Variants in SYNPR observed in about 807,000 individuals in gnomAD.
SYNPR encodes synaptoporin.
Under a neutral mutation model 32.9 loss-of-function variants are expected in SYNPR, and 23 were observed. The ratio of observed to expected loss-of-function variants is 0.70; its 90% confidence interval spans 0.50 to 0.99. The LOEUF (loss-of-function observed/expected upper bound fraction) is 0.99. Ranked by LOEUF, SYNPR falls within the 50% of genes least tolerant of loss-of-function variation. The pLI is 0.00. For synonymous variants in SYNPR, 146 were observed against 135.9 expected (o/e 1.07, Z -0.52); for missense variants, 318 against 349.3 (o/e 0.91, Z 0.71).
chr3:63,310,761 C>G (rs2086956004), intron 2 of SYNPR, among the ~76,000 whole-genome samples: 1 of 152,062 alleles, frequency 6.6e-6, no homozygotes, highest in Non-Finnish European at 1.5e-5. Context: ...AATTCCAGCC[C>G]TAGAACAAGG....
intron 5 of SYNPR, among the ~76,000 whole-genome samples, chr3:63,612,977 T>TC (rs1211838058): frequency 6.6e-6 from 1 of 150,846 alleles, no homozygotes; most frequent in Non-Finnish European, 1.5e-5. Flanking sequence ...TTTCCTTTTT[T>TC]CTTTTTTTTT....
the SYNPR span, among the ~76,000 whole-genome samples, chr3:63,204,341 C>A: frequency 6.6e-6 from 1 of 152,302 alleles, no homozygotes; most frequent in African/African-American, 2.4e-5. Context: ...TGTGGAAGCA[C>A]AACTCAGACC....
chr3:63,391,986 C>A (rs745848493), intron 2 of SYNPR, among the ~76,000 whole-genome samples: 2 of 152,206 alleles, frequency 1.3e-5, no homozygotes, highest in African/African-American at 2.4e-5. Context: ...TGCGCAACCT[C>A]TTCTCAGACA....
At chr3:63,498,768 C>T (rs4688410) in intron 3 of SYNPR, among the ~76,000 whole-genome samples, 57,310 of 151,404 alleles carry the variant, frequency 0.38, 11,058 homozygotes, top group East Asian at 0.48. Context: ...CTCGTGGGCC[C>T]GATAAGGCGT....
chr3:63,593,827 T>A (rs996324217), intron 4 of SYNPR, among the ~76,000 whole-genome samples: 1 of 152,122 alleles, frequency 6.6e-6, no homozygotes. Flanking sequence ...AGTTCTTACA[T>A]GAAACAACTC....
intron 3 of SYNPR, among the ~76,000 whole-genome samples, chr3:63,486,464 C>A (rs1701152729): frequency 6.6e-6 from 1 of 152,188 alleles, no homozygotes; most frequent in Admixed American, 6.5e-5. Context: ...CATTAACACA[C>A]CTTTCATTAT....
Position 63,229,655 on chromosome 3 carries a change from T to C in SYNPR, n.66+1275T>C, listed in dbSNP as rs568068490. 5.3e-5 allele frequency among the ~76,000 whole-genome samples: 8 copies of C among 152,288 alleles called. No individual in the cohort carries two copies. The South Asian group carries it at 1.0e-3, about 20-fold the overall frequency. On this transcript the variant is annotated intron_variant and non_coding_transcript_variant, in intron 1 of 4. Transcript: ENST00000478456. ...TTTACTGATTCTGCCATACTGAAGT[T>C]TATGAGACTCTAATCTTTTGTGTAT...
At chr3:63,247,282 T>C (rs2367765) in intron 1 of SYNPR, among the ~76,000 whole-genome samples, 4,381 of 152,100 alleles carry the variant, frequency 0.029, 95 homozygotes, top group Non-Finnish European at 0.039. Context: ...TTTTCCTGTC[T>C]GGTCCTGCAC....
chr3:63,426,304 T>C (rs1699891779), intron 2 of SYNPR, among the ~76,000 whole-genome samples: 1 of 152,214 alleles, frequency 6.6e-6, no homozygotes, highest in South Asian at 2.1e-4. Flanking sequence ...ATTAGGCACA[T>C]GAAGCTTAAG....
At chr3:63,516,980 T>C (rs1701812878) in intron 3 of SYNPR, among the ~76,000 whole-genome samples, 2 of 152,184 alleles carry the variant, frequency 1.3e-5, no homozygotes, top group East Asian at 1.9e-4. Context: ...TCTTGCAACA[T>C]TTGTTTATAA....
intron 4 of SYNPR, among the ~76,000 whole-genome samples, chr3:63,585,112 G>C (rs929502903): frequency 6.6e-6 from 1 of 151,878 alleles, no homozygotes; most frequent in African/African-American, 2.4e-5. Flanking sequence ...CTGGGGGCAG[G>C]GAGCCTACAC....
chr3:63,439,962 T>C lies in SYNPR; in HGVS notation c.85-40870T>C, dbSNP rs570819468. Among the ~76,000 whole-genome samples the C allele has an allele frequency of 9.8e-5, 15 of 152,290 alleles. No homozygotes were observed. The South Asian group carries it at 2.3e-3, about 23-fold the overall frequency. On this transcript the variant is annotated intron_variant, in intron 2 of 5. Transcript: ENST00000478300. Reference sequence around the variant, plus strand: ...GGTACTCTCTGAAACACCAAGGATATGGTATTAAGCAAAACAAACAAGTTT... The same window carrying C: ...GGTACTCTCTGAAACACCAAGGATACGGTATTAAGCAAAACAAACAAGTTT...
chr3:63,417,230 T>C (rs1480614196), intron 2 of SYNPR, among the ~76,000 whole-genome samples: 2 of 152,216 alleles, frequency 1.3e-5, no homozygotes, highest in African/African-American at 2.4e-5. Context: ...AAGTCTAAAA[T>C]CCAGCAGGGC....
intron 5 of SYNPR, among the ~76,000 whole-genome samples, chr3:63,610,231 C>T (rs1432074836): frequency 6.6e-6 from 1 of 152,060 alleles, no homozygotes; most frequent in Non-Finnish European, 1.5e-5. Flanking sequence ...ATGGCTCTTA[C>T]AAGAAAAGAG....
chr3:63,329,553 T>C (rs77556164), intron 2 of SYNPR, among the ~76,000 whole-genome samples: 5,224 of 152,296 alleles, frequency 0.034, 278 homozygotes, highest in African/African-American at 0.12. Context: ...AAATGTAATG[T>C]AATACATTTC....
At chr3:63,391,034 C>T (rs2088127060) in intron 2 of SYNPR, among the ~76,000 whole-genome samples, 1 of 152,216 alleles carries the variant, frequency 6.6e-6, no homozygotes, top group Non-Finnish European at 1.5e-5. Context: ...TAGTCATCAT[C>T]AAAATAAGGT....
chr3:63,401,444 G>T (rs974228107), intron 2 of SYNPR, among the ~76,000 whole-genome samples: 1 of 152,208 alleles, frequency 6.6e-6, no homozygotes, highest in Non-Finnish European at 1.5e-5. Flanking sequence ...TGGCTAGGAA[G>T]TGCCACTCCA....
intron 2 of SYNPR, among the ~76,000 whole-genome samples, chr3:63,294,665 A>G (rs967407850): frequency 3.3e-5 from 5 of 152,194 alleles, no homozygotes; most frequent in African/African-American, 1.2e-4. Flanking sequence ...AATTCATTAT[A>G]TAAAAATAGA....
chr3:63,494,337 C>T (rs973041768), intron 3 of SYNPR, among the ~76,000 whole-genome samples: 11 of 145,358 alleles, frequency 7.6e-5, no homozygotes, highest in Non-Finnish European at 1.5e-4. Context: ...CCTTCTCCAC[C>T]TCAGCCAAAT....
Sources: gnomAD v4.1 joint callset for allele counts (sites outside exome capture counted in the v4.1 genomes callset) on GRCh38, gnomAD v4.1.1 for gene constraint, MANE v1.5 for transcripts, NCBI Gene and HGNC (gene_info 2026-07-23, HGNC 2026-07-21) for gene names.